CEP250: variants seen among roughly 807,000 people sequenced by gnomAD.
CEP250 encodes centrosome-associated protein CEP250.
Under a neutral mutation model 315.7 loss-of-function variants are expected in CEP250, and 242 were observed. That is an observed-to-expected ratio of 0.77 (90% CI 0.69 to 0.85). The LOEUF is 0.85. CEP250 is among the 40% of genes least tolerant of loss of function. The pLI, the probability that CEP250 is intolerant of heterozygous loss-of-function variation, is 0.00. For missense variants in CEP250, 2,515 were observed against 2,886.4 expected, an observed-to-expected ratio of 0.87 and a Z score of 2.95; for synonymous variants, 1,088 against 1,175.0, an observed-to-expected ratio of 0.93 and a Z score of 1.51.
chr20:35,462,454 G>C lies in CEP250; in HGVS notation c.87G>C (p.Gln29His). The C allele has an allele frequency of 1.2e-6, 2 of 1,607,024 alleles. No individual in the cohort carries two copies. The highest frequency in any genetic ancestry group is 1.7e-6 in the Non-Finnish European group (2 of 1,176,594). ...VLEEQVLALQ[Q>H]QMAENQAASW... ...AAGAGCAGGTGCTGGCACTACAGCA[G>C]CAGATGGCAGAGAATCAGGCAGCCT... Residue 29 changes from glutamine (Q) to histidine (H), a missense_variant, in exon 4 of 35, where the codon CAG becomes CAC. Gln to His is a conservative substitution (Grantham distance 24). Transcript: ENST00000397527.
chr20:35,492,120 G>A (rs752503837), intron 22 of CEP250, among the ~76,000 whole-genome samples: 13 of 152,090 alleles, frequency 8.5e-5, no homozygotes, highest in Non-Finnish European at 1.8e-4. Context: ...GGTCAGGGAA[G>A]GCCTCACTGA....
chr20:35,469,765 A>G (rs570900719), intron 9 of CEP250, 125 bp from the exon 10 acceptor site: 1 of 538,134 alleles, frequency 1.9e-6, no homozygotes, highest in South Asian at 2.8e-5. Flanking sequence ...GGGGTGCCTA[A>G]GGGATTTGGG....
rs2064372867 is a variant in CEP250, at chr20:35,511,910, T to A, written c.*284T>A. 1 of 1,214,424 alleles carries A rather than the reference T, an allele frequency of 8.2e-7. No individual in the cohort carries two copies. The highest frequency in any genetic ancestry group is 1.0e-6 in the Non-Finnish European group (1 of 974,762). The allele number at this position is 1,214,424 out of a possible 1,614,324, so 75.2% of individuals were successfully genotyped here. ...ACTGCCTCTCATCTAGAATTTATTT[T>A]CCTAGCACTTCACCACCTCCTTCAT... On this transcript the variant is annotated 3_prime_UTR_variant, in exon 35 of 35. Transcript: ENST00000397527.
At chr20:35,468,449 A>G (rs1568763908) in intron 9 of CEP250, among the ~76,000 whole-genome samples, 1 of 152,208 alleles carries the variant, frequency 6.6e-6, no homozygotes, top group Non-Finnish European at 1.5e-5. Context: ...ATAGAAGGGC[A>G]GGGAAATGAG....
intron 3 of CEP250, among the ~76,000 whole-genome samples, chr20:35,460,973 A>G (rs777960401): frequency 6.6e-6 from 1 of 152,246 alleles, no homozygotes; most frequent in Non-Finnish European, 1.5e-5. Flanking sequence ...ACATCAGAAC[A>G]TATGTATTCT....
chr20:35,467,372 T>C lies in CEP250; in HGVS notation c.668T>C (p.Leu223Ser). Residue 223 changes from leucine (L) to serine (S), a missense_variant, in exon 9 of 35, where the codon TTG becomes TCG. Physicochemically the swap from Leu to Ser is moderately radical, Grantham distance 145. Coordinates refer to ENST00000397527, the MANE Select transcript of CEP250 (RefSeq NM_007186.6). ...SGSLLTCCLR[L>S]TVGAQSREPN... ...TCTCTGTTGACCTGTTGTCTGCGCT[T>C]GACTGTGGGAGCACAGTCTCGGGAA... 6.2e-7 allele frequency: 1 copy of C among 1,614,106 alleles called. No individual in the cohort carries two copies. The highest frequency in any genetic ancestry group is 2.2e-5 in the East Asian group (1 of 44,890).
At chr20:35,490,375 A>G (rs2147029538) in intron 20 of CEP250, among the ~76,000 whole-genome samples, 1 of 152,358 alleles carries the variant, frequency 6.6e-6, no homozygotes, top group East Asian at 1.9e-4. Flanking sequence ...TATATAAGGG[A>G]CAATTGCAGT....
intron 30 of CEP250, among the ~76,000 whole-genome samples, chr20:35,506,241 G>A (rs559652066): frequency 1.3e-5 from 2 of 152,304 alleles, no homozygotes; most frequent in African/African-American, 4.8e-5. Context: ...CTGTTGGCAG[G>A]TCAGTAAAAT....
In CEP250 at chr20:35,504,243, TGCCCGG is replaced by T. The variant is rs771845787; in HGVS notation, c.5883_5888del (p.Arg1962_Ala1963del). 1 of 1,603,680 alleles carries T rather than the reference TGCCCGG, an allele frequency of 6.2e-7. No homozygotes were observed. Among genetic ancestry groups the T allele is most frequent in the Non-Finnish European group, 8.5e-7 (1 of 1,175,524 alleles). On this transcript the variant is annotated inframe_deletion, in exon 30 of 35. Transcript: ENST00000397527. ...AGTCCTCCCGGCATCAGGAGGAGGC[TGCCCGG>T]GCCCGGGCTGAGGCTCTGCAGGAGG...
intron 29 of CEP250, 39 bp downstream of exon 29, chr20:35,502,005 G>A: frequency 6.3e-7 from 1 of 1,598,056 alleles, no homozygotes; most frequent in Non-Finnish European, 8.5e-7. Context: ...TTTGCCTCAG[G>A]AGTAGTCCCT....
chr20:35,458,959 T>A (rs1297210264), intron 2 of CEP250, among the ~76,000 whole-genome samples: 1 of 141,592 alleles, frequency 7.1e-6, no homozygotes, highest in East Asian at 2.0e-4. Flanking sequence ...TTTGCTATAA[T>A]GCAAATCTTT....
chr20:35,507,591 G>A, intron 30 of CEP250, 147 bp from the exon 31 acceptor site: 2 of 664,592 alleles, frequency 3.0e-6, no homozygotes, highest in South Asian at 1.7e-5. Context: ...GTAAAATGAA[G>A]GTTCTGTACT....
intron 27 of CEP250, among the ~76,000 whole-genome samples, chr20:35,499,834 G>A (rs181916566): frequency 6.6e-6 from 1 of 152,246 alleles, no homozygotes; most frequent in Admixed American, 6.5e-5. Context: ...GGTCAGAAGG[G>A]GATGGATTCT....
rs1024810433 is a variant in CEP250, at chr20:35,513,818, A to G, written c.*2192A>G. 2 of 152,228 alleles carry G rather than the reference A, an allele frequency of 1.3e-5. No homozygotes were observed. Among genetic ancestry groups the G allele is most frequent in the African/African-American group, 4.8e-5 (2 of 41,432 alleles). 9.4% of individuals were successfully genotyped at this position (152,228 alleles called of 1,614,324 possible). On this transcript the variant is annotated 3_prime_UTR_variant, in exon 35 of 35. Coordinates refer to ENST00000397527, the MANE Select transcript of CEP250 (RefSeq NM_007186.6). ...AAGCAGGGTCTTTATTCAGGACTAG[A>G]CTAATCTGTATTTGCTCTTCTCTTT... is the stretch of plus-strand genomic sequence containing the variant.
chr20:35,489,031 C>CA (rs1039391620), intron 20 of CEP250, among the ~76,000 whole-genome samples: 5 of 151,332 alleles, frequency 3.3e-5, no homozygotes, highest in African/African-American at 4.9e-5. Flanking sequence ...ACTAAAAATA[C>CA]AAAAAAAATA....
intron 22 of CEP250, 94 bp downstream of exon 22, chr20:35,491,440 C>T (rs2063691759): frequency 7.3e-7 from 1 of 1,362,508 alleles, no homozygotes; most frequent in Admixed American, 2.0e-5. Context: ...TGTGCCAGGC[C>T]CTGTGCTAGG....
chr20:35,502,644 C>T lies in CEP250; in HGVS notation c.4275C>T (p.Leu1425=). The change falls in exon 30 of 35, where the codon CTC becomes CTT. Residue 1425 remains leucine (L), a synonymous_variant. Coordinates refer to ENST00000397527, the MANE Select transcript of CEP250 (RefSeq NM_007186.6). The part of the protein sequence containing the change: ...QGKALQENLA[L]LTQTLAEREE... ...AGGCTCTGCAAGAGAATTTGGCCCT[C>T]CTGACCCAGACCCTAGCTGAAAGAG... The T allele has an allele frequency of 6.2e-7, 1 of 1,614,268 alleles. No homozygotes were observed. Among genetic ancestry groups the T allele is most frequent in the Non-Finnish European group, 8.5e-7 (1 of 1,180,050 alleles).
At chr20:35,465,970 A>G in intron 6 of CEP250, 69 bp from the exon 7 acceptor site, 2 of 1,580,134 alleles carry the variant, frequency 1.3e-6, no homozygotes, top group Admixed American at 3.5e-5. Flanking sequence ...TTGCCATCTT[A>G]CTCCCAGGAG....
chr20:35,499,946 T>C (rs2063955252), intron 27 of CEP250, 103 bp from the exon 28 acceptor site: 1 of 1,462,118 alleles, frequency 6.8e-7, no homozygotes, highest in East Asian at 2.3e-5. Context: ...AGGTCCACAA[T>C]GGCGGCCCAC....
Sources: allele counts gnomAD v4.1 joint callset (sites outside exome capture counted in the v4.1 genomes callset), GRCh38; gene constraint gnomAD v4.1.1; transcripts MANE v1.5; gene names NCBI Gene and HGNC (gene_info 2026-07-23, HGNC 2026-07-21).